HMCES: variants seen among roughly 807,000 people sequenced by gnomAD.
HMCES encodes the protein abasic site processing protein HMCES.
A neutral mutation model predicts 35.1 loss-of-function variants in HMCES; 27 were observed. That is an observed-to-expected ratio of 0.77 (90% CI 0.57 to 1.06). The LOEUF is 1.06. Ranked by LOEUF, HMCES falls within the 50% of genes least tolerant of loss-of-function variation. The pLI is 0.00. For missense variants in HMCES, 391 were observed against 430.4 expected (o/e 0.91, Z 0.81); for synonymous variants, 130 against 154.7 (o/e 0.84, Z 1.18).
chr3:129,303,674 G>A (rs534145073), intron 6 of HMCES, among the ~76,000 whole-genome samples: 1 of 152,134 alleles, frequency 6.6e-6, no homozygotes, highest in African/African-American at 2.4e-5. Flanking sequence ...TGGATTTTCA[G>A]GGTTAGGATG....
chr3:129,293,658 C>A (rs919451517), intron 4 of HMCES, among the ~76,000 whole-genome samples: 4 of 149,802 alleles, frequency 2.7e-5, no homozygotes, highest in African/African-American at 9.8e-5. Flanking sequence ...GCAACCTCCA[C>A]CTCCTGGGTT....
intron 2 of HMCES, among the ~76,000 whole-genome samples, chr3:129,285,865 G>A (rs6771754): frequency 0.067 from 10,133 of 151,926 alleles, 1,093 homozygotes; most frequent in African/African-American, 0.23. Flanking sequence ...GAGTAACTGG[G>A]GTTACAGGCA....
At chr3:129,297,291 C>T (rs781006150) in intron 4 of HMCES, among the ~76,000 whole-genome samples, 3 of 152,178 alleles carry the variant, frequency 2.0e-5, no homozygotes, top group Non-Finnish European at 2.9e-5. Flanking sequence ...CTATCTTAAG[C>T]AGATGTGGCT....
At position 129,288,873 on chromosome 3, in the gene HMCES, G is replaced by A. The variant is rs372430315; in HGVS notation, c.203G>A (p.Arg68His). ...HFEKDADSSERIIAPMRWGLV... is the reference protein window; with the variant it reads ...HFEKDADSSEHIIAPMRWGLV... ...TGGCAGGATGCAGACTCATCTGAGC[G>A]TATCATTGCTCCCATGCGCTGGGGC... The change falls in exon 3 of 7, where the codon CGT (arginine) becomes CAT (histidine). Residue 68 changes from arginine (R) to histidine (H), a missense_variant. By Grantham distance (29) the Arg-to-His change is conservative (BLOSUM62 0). Transcript: ENST00000383463. The A allele has an allele frequency of 3.6e-5, 56 of 1,571,634 alleles. No individual in the cohort carries two copies. The African/African-American group carries it at 4.6e-4, about 13-fold the overall frequency.
At chr3:129,288,160 A>G (rs1940689519) in intron 2 of HMCES, among the ~76,000 whole-genome samples, 1 of 152,040 alleles carries the variant, frequency 6.6e-6, no homozygotes, top group Non-Finnish European at 1.5e-5. Flanking sequence ...CTGTAGTCCC[A>G]GCTACTTGGG....
At chr3:129,285,301 G>A (rs1014659067) in intron 2 of HMCES, among the ~76,000 whole-genome samples, 13 of 152,008 alleles carry the variant, frequency 8.6e-5, no homozygotes, top group African/African-American at 3.1e-4. Flanking sequence ...TACAATTTGA[G>A]TGCCTACTCC....
At chr3:129,292,628 G>A (rs1174179307) in intron 4 of HMCES, among the ~76,000 whole-genome samples, 1 of 151,710 alleles carries the variant, frequency 6.6e-6, no homozygotes, top group Non-Finnish European at 1.5e-5. Context: ...AAGTAGCTGG[G>A]ACTACAGGCG....
At position 129,293,689 on chromosome 3, in the gene HMCES, G is replaced by A. The variant is rs185549966; in HGVS notation, c.453+2885G>A. On this transcript the variant is annotated intron_variant, in intron 4 of 6. Coordinates refer to ENST00000383463, the MANE Select transcript of HMCES (RefSeq NM_020187.3). ...GGGTTCAAGCAATTCTGCCTCGGCC[G>A]CCTGAATAGCCGGGATTACAGGTGC... 5.9e-3 allele frequency among the ~76,000 whole-genome samples: 866 copies of A among 147,834 alleles called. 5 individuals are homozygous for A. The highest frequency in any genetic ancestry group is 0.01 in the Non-Finnish European group (681 of 67,224).
intron 2 of HMCES, among the ~76,000 whole-genome samples, chr3:129,287,633 T>C (rs1165712641): frequency 6.6e-6 from 1 of 152,040 alleles, no homozygotes; most frequent in Non-Finnish European, 1.5e-5. Flanking sequence ...CCCTTATGAG[T>C]TGGGGAAAAG....
At chr3:129,281,726 C>T (rs1343956469) in intron 2 of HMCES, among the ~76,000 whole-genome samples, 2 of 149,168 alleles carry the variant, frequency 1.3e-5, no homozygotes, top group Non-Finnish European at 3.0e-5. Context: ...TGGCTGGGCA[C>T]GGTGGCTCAC....
Position 129,279,016 on chromosome 3 carries a change from C to G in HMCES, c.-24+111C>G, listed in dbSNP as rs1461139315. The G allele has an allele frequency of 6.6e-6, 1 of 150,524 alleles. No homozygotes were observed. Among genetic ancestry groups the G allele is most frequent in the African/African-American group, 2.5e-5 (1 of 40,552 alleles). 9.3% of individuals were successfully genotyped at this position (150,524 alleles called of 1,614,324 possible). Reference sequence around the variant, plus strand: ...AGCAGAGGCCCGAGCGGACGCGAGGCGACGCGGAGAGGGCGGCCTGGGCCG... The same window carrying G: ...AGCAGAGGCCCGAGCGGACGCGAGGGGACGCGGAGAGGGCGGCCTGGGCCG... On this transcript the variant is annotated intron_variant, in intron 1 of 6. Coordinates refer to ENST00000383463, the MANE Select transcript of HMCES (RefSeq NM_020187.3). The surrounding 1 kb of genome is among the most constrained non-coding windows in gnomAD (Gnocchi z 4.2).
At chr3:129,304,257 C>A (rs562102626) in intron 6 of HMCES, among the ~76,000 whole-genome samples, 1 of 152,330 alleles carries the variant, frequency 6.6e-6, no homozygotes, top group Non-Finnish European at 1.5e-5. Flanking sequence ...TCTCTCCAGT[C>A]TCGTTTTCCA....
In HMCES at chr3:129,290,965, G is replaced by A. The variant is rs374181652; in HGVS notation, c.453+161G>A. Among the ~76,000 whole-genome samples, 4 of 152,286 alleles carry A rather than the reference G, an allele frequency of 2.6e-5. No homozygotes were observed. In the East Asian group the frequency reaches 7.7e-4, roughly 29 times the overall value. On this transcript the variant is annotated intron_variant, in intron 4 of 6. Coordinates refer to ENST00000383463, the MANE Select transcript of HMCES (RefSeq NM_020187.3). ...CGCCTGTGATCCCAGCACTTTGGGAGCCCAAGACGGGAAGATTGCTTGAGC... is the reference window on the plus strand; with the variant it reads ...CGCCTGTGATCCCAGCACTTTGGGAACCCAAGACGGGAAGATTGCTTGAGC...
At chr3:129,292,582 T>C (rs1438207798) in intron 4 of HMCES, among the ~76,000 whole-genome samples, 2 of 148,964 alleles carry the variant, frequency 1.3e-5, no homozygotes, top group East Asian at 4.0e-4. Context: ...AGCCTCTGCC[T>C]CTCGGGTTCA....
rs1560080176 is a variant in HMCES, at chr3:129,305,914, T to C, written c.*1089T>C. 1 of 152,304 alleles carries C rather than the reference T, an allele frequency of 6.6e-6. No individual in the cohort carries two copies. Among genetic ancestry groups the C allele is most frequent in the African/African-American group, 2.4e-5 (1 of 41,478 alleles). The allele number at this position is 152,304 out of a possible 1,614,324, so 9.4% of individuals were successfully genotyped here. ...GTTTCGGGAGGGGTGGGGAGCCAGG[T>C]GGGGCTCCCGCCCAGACCCTTTCCC... On this transcript the variant is annotated 3_prime_UTR_variant, in exon 7 of 7. Coordinates refer to ENST00000383463, the MANE Select transcript of HMCES (RefSeq NM_020187.3).
intron 4 of HMCES, among the ~76,000 whole-genome samples, chr3:129,295,440 A>C (rs955533466): frequency 6.6e-6 from 1 of 151,716 alleles, no homozygotes; most frequent in Admixed American, 6.6e-5. Flanking sequence ...CTATCAAAAA[A>C]AAAAACAAAA....
At chr3:129,303,885 A>C (rs2071201787) in intron 6 of HMCES, among the ~76,000 whole-genome samples, 1 of 151,436 alleles carries the variant, frequency 6.6e-6, no homozygotes, top group African/African-American at 2.4e-5. Context: ...TGGGACTACA[A>C]GCGTACACCA....
intron 4 of HMCES, among the ~76,000 whole-genome samples, chr3:129,296,486 A>T (rs1202762660): frequency 6.6e-6 from 1 of 151,940 alleles, no homozygotes; most frequent in African/African-American, 2.4e-5. Context: ...AATTTTACTT[A>T]CTTCAAGTTC....
At chr3:129,296,929 G>A (rs1179887752) in intron 4 of HMCES, among the ~76,000 whole-genome samples, 2 of 152,040 alleles carry the variant, frequency 1.3e-5, no homozygotes, top group African/African-American at 2.4e-5. Context: ...TAGTAGAGAC[G>A]GGGTTTCACC....
Sources: allele counts gnomAD v4.1 joint callset (sites outside exome capture counted in the v4.1 genomes callset), GRCh38; gene constraint gnomAD v4.1.1; non-coding constraint Gnocchi (gnomAD v3.1); transcripts MANE v1.5; gene names NCBI Gene and HGNC (gene_info 2026-07-23, HGNC 2026-07-21).